The following CCT3 variants were observed in gnomAD, a reference collection of about 807,000 sequenced individuals.
CCT3 encodes chaperonin containing TCP1 subunit 3.
In CCT3, 10 loss-of-function variants were observed where a neutral mutation model predicts 65.3. That is an observed-to-expected ratio of 0.15 (90% CI 0.09 to 0.26). The LOEUF (loss-of-function observed/expected upper bound fraction) is 0.26. CCT3 is among the 10% of genes least tolerant of loss of function. CCT3 has a pLI of 1.00. For synonymous variants in CCT3, 225 were observed against 242.3 expected (o/e 0.93, Z 0.66); for missense variants, 626 against 708.7 (o/e 0.88, Z 1.33).
intron 5 of CCT3, chr1:156,332,732 G>A (rs995940994): frequency 1.3e-5 from 2 of 152,208 alleles, no homozygotes; most frequent in African/African-American, 4.8e-5. Flanking sequence ...GTGCTTAAGT[G>A]CTAGCTAATG....
intron 1 of CCT3, among the ~76,000 whole-genome samples, chr1:156,336,621 T>C (rs1386056468): frequency 6.6e-6 from 1 of 152,210 alleles, no homozygotes; most frequent in Admixed American, 6.5e-5. Flanking sequence ...AGCCAACTAA[T>C]GCCAGAGATT....
intron 5 of CCT3, chr1:156,332,775 A>T (rs1270888380): frequency 6.6e-6 from 1 of 152,258 alleles, no homozygotes; most frequent in Non-Finnish European, 1.5e-5. Context: ...GATGTGCCTT[A>T]CAGAGAAAAT....
rs1352027045 is a variant in CCT3 at position 156,311,022 on chromosome 1, G to C, written c.1329C>G (p.Ala443=). The C allele has an allele frequency of 6.2e-7, 1 of 1,613,972 alleles. No individual in the cohort carries two copies. Among genetic ancestry groups the C allele is most frequent in the Non-Finnish European group, 8.5e-7 (1 of 1,180,010 alleles). Residue 443 remains alanine, a synonymous_variant, in exon 12 of 14, where the codon GCC becomes GCG. Coordinates refer to ENST00000295688, the MANE Select transcript of CCT3 (RefSeq NM_005998.5). ...TCAGGGTACGAGGAATGACCTCTAGGGCCTGGGCAACAGCCCTGTATGGCC... is the reference window on the plus strand; with the variant it reads ...TCAGGGTACGAGGAATGACCTCTAGCGCCTGGGCAACAGCCCTGTATGGCC... The part of the protein sequence containing the change: ...EQWPYRAVAQ[A]LEVIPRTLIQ...
chr1:156,337,076 T>C (rs1558276439), intron 1 of CCT3: 2 of 1,285,372 alleles, frequency 1.6e-6, no homozygotes, highest in South Asian at 1.2e-5. Context: ...AATGGAAACA[T>C]ACCAAAGGAA....
chr1:156,310,877 A>T, intron 12 of CCT3, 73 bp downstream of exon 12: 1 of 1,546,190 alleles, frequency 6.5e-7, no homozygotes, highest in Non-Finnish European at 8.8e-7. Context: ...GGATAGCCAG[A>T]TAAGAATCTT....
chr1:156,319,061 A>G (rs1339618818), intron 7 of CCT3, 44 bp from the exon 8 acceptor site: 2 of 1,512,304 alleles, frequency 1.3e-6, no homozygotes, highest in Admixed American at 2.2e-5. Context: ...TCAAGAGACA[A>G]TTTCTTAATT....
chr1:156,322,493 G>A (rs1046564554), intron 6 of CCT3, among the ~76,000 whole-genome samples: 1 of 151,524 alleles, frequency 6.6e-6, no homozygotes, highest in Non-Finnish European at 1.5e-5. Flanking sequence ...GAGACCCCCC[G>A]CCACCCCAAA....
chr1:156,314,926 C>G (rs1664244896), intron 10 of CCT3, among the ~76,000 whole-genome samples: 1 of 152,130 alleles, frequency 6.6e-6, no homozygotes, highest in Non-Finnish European at 1.5e-5. Context: ...ATGATAGAGG[C>G]ACTGAAACTG....
intron 1 of CCT3, among the ~76,000 whole-genome samples, 190 bp downstream of exon 1, chr1:156,337,964 T>C (rs1401169564): frequency 2.6e-5 from 4 of 151,894 alleles, no homozygotes; most frequent in Non-Finnish European, 5.9e-5. Context: ...TAAGGCCAGT[T>C]TGAGTTTGTG....
chr1:156,333,772 G>C, intron 4 of CCT3, 129 bp from the exon 5 acceptor site: 1 of 648,092 alleles, frequency 1.5e-6, no homozygotes, highest in Non-Finnish European at 2.6e-6. Context: ...ACCATATCTT[G>C]AAAGATTAAA....
intron 5 of CCT3, among the ~76,000 whole-genome samples, chr1:156,332,293 T>C (rs1168511011): frequency 1.3e-5 from 2 of 152,224 alleles, no homozygotes; most frequent in Non-Finnish European, 2.9e-5. Flanking sequence ...ATTACAGGTG[T>C]CAGCCACCAC....
At chr1:156,316,096 A>G (rs971331945) in intron 10 of CCT3, among the ~76,000 whole-genome samples, 2 of 147,482 alleles carry the variant, frequency 1.4e-5, no homozygotes, top group Non-Finnish European at 3.0e-5. Flanking sequence ...CCATGCACTG[A>G]TAACATGGCA....
chr1:156,311,979 G>C, intron 11 of CCT3, 62 bp downstream of exon 11: 1 of 1,370,202 alleles, frequency 7.3e-7, no homozygotes. Flanking sequence ...TAGGCCCTTT[G>C]GGAAACTCTC....
chr1:156,327,273 CCCCTCTCCCCTCT>C (rs1434284181), intron 5 of CCT3, among the ~76,000 whole-genome samples: 1 of 151,324 alleles, frequency 6.6e-6, no homozygotes, highest in African/African-American at 2.5e-5. Flanking sequence ...TCTCGCCTCT[CCCCTCTCCCCTCT>C]CCCTCTCCAC....
chr1:156,309,701 C>G (rs371545273), intron 13 of CCT3, among the ~76,000 whole-genome samples: 1 of 151,824 alleles, frequency 6.6e-6, no homozygotes, highest in African/African-American at 2.4e-5. Context: ...GCTGGGATTA[C>G]AGGCGTGACC....
intron 4 of CCT3, among the ~76,000 whole-genome samples, chr1:156,334,045 C>T (rs12067408): frequency 6.6e-6 from 1 of 152,046 alleles, no homozygotes; most frequent in Non-Finnish European, 1.5e-5. Flanking sequence ...CGAGACCAGC[C>T]TGGCCAACAT....
intron 9 of CCT3, 49 bp downstream of exon 9, chr1:156,317,366 C>A (rs1664352481): frequency 1.2e-6 from 2 of 1,600,270 alleles, no homozygotes; most frequent in Non-Finnish European, 1.7e-6. Context: ...ACAAATCACC[C>A]ACCCTCGTCT....
At chr1:156,321,752 T>C (rs1482228168) in intron 6 of CCT3, among the ~76,000 whole-genome samples, 4 of 152,182 alleles carry the variant, frequency 2.6e-5, no homozygotes, top group Admixed American at 1.3e-4. Flanking sequence ...CATGTGCCTG[T>C]AGTCCCAGTT....
chr1:156,314,358 G>A (rs1664219555), intron 10 of CCT3, among the ~76,000 whole-genome samples: 1 of 152,070 alleles, frequency 6.6e-6, no homozygotes, highest in South Asian at 2.1e-4. Flanking sequence ...GGTGGTGAAG[G>A]GTTTCAAGAT....
Sources: gnomAD v4.1 joint callset for allele counts (sites outside exome capture counted in the v4.1 genomes callset) on GRCh38, gnomAD v4.1.1 for gene constraint, MANE v1.5 for transcripts, NCBI Gene and HGNC (gene_info 2026-07-23, HGNC 2026-07-21) for gene names.